MYO3A: variants seen among roughly 807,000 people sequenced by gnomAD.
MYO3A encodes myosin IIIA, also known as myosin-IIIa.
In MYO3A, 180 loss-of-function variants were observed where a neutral mutation model predicts 192.7. The observed-to-expected ratio is 0.93, with a 90% CI of 0.83 to 1.06. MYO3A has a LOEUF of 1.06. Among genes scored for constraint, MYO3A ranks in the 50% least tolerant of loss-of-function variants. The pLI is 0.00. For synonymous variants in MYO3A, 628 were observed against 645.3 expected (o/e 0.97, Z 0.41); for missense variants, 1,896 against 1,905.0 (o/e 1.00, Z 0.09).
chr10:25,956,869 T>G (rs1217617943), intron 4 of MYO3A, among the ~76,000 whole-genome samples: 1 of 152,128 alleles, frequency 6.6e-6, no homozygotes, highest in Non-Finnish European at 1.5e-5. Flanking sequence ...ATTAGTTATT[T>G]TTCCTGATCC....
intron 6 of MYO3A, among the ~76,000 whole-genome samples, chr10:26,010,450 GTTTTTTTTTTTT>G (rs778349166): frequency 5.4e-5 from 6 of 111,234 alleles, no homozygotes; most frequent in African/African-American, 2.1e-4. Context: ...CTAAGTAGTT[GTTTTTTTTTTTT>G]TTTTTTTTTG....
intron 15 of MYO3A, among the ~76,000 whole-genome samples, chr10:26,089,218 G>T (rs1425622937): frequency 6.6e-6 from 1 of 152,082 alleles, no homozygotes; most frequent in Non-Finnish European, 1.5e-5. Context: ...TTCAAGCTTG[G>T]TGTCATTCAA....
At position 25,949,265 on chromosome 10, in the gene MYO3A, T is replaced by C. The variant is rs565633351; in HGVS notation, c.-17-2829T>C. Among the ~76,000 whole-genome samples the C allele has an allele frequency of 2.0e-3, 312 of 152,270 alleles. 2 individuals are homozygous for C. Among genetic ancestry groups the C allele is most frequent in the African/African-American group, 7.3e-3 (302 of 41,594 alleles). ...CAGTCAATTTTTCATTGAATTCTTA[T>C]GTCTGTGTATTGAAAAACTAACAGT... On this transcript the variant is annotated intron_variant, in intron 2 of 34. Coordinates refer to ENST00000642920, the MANE Select transcript of MYO3A (RefSeq NM_017433.5).
intron 4 of MYO3A, among the ~76,000 whole-genome samples, chr10:25,992,285 G>A (rs1271641952): frequency 6.6e-6 from 1 of 152,144 alleles, no homozygotes; most frequent in Non-Finnish European, 1.5e-5. Flanking sequence ...AATTGTGAAT[G>A]GGAGTTCACT....
intron 17 of MYO3A, among the ~76,000 whole-genome samples, chr10:26,114,875 G>A (rs1838407773): frequency 6.6e-6 from 1 of 152,156 alleles, no homozygotes; most frequent in South Asian, 2.1e-4. Flanking sequence ...TTCTATGAGA[G>A]CAGAGAATTT....
intron 10 of MYO3A, among the ~76,000 whole-genome samples, chr10:26,045,011 G>A (rs1402436): frequency 0.47 from 72,048 of 152,044 alleles, 17,903 homozygotes; most frequent in Middle Eastern, 0.59. Context: ...CAGCAGAGGA[G>A]CAAAATCCCT....
intron 34 of MYO3A, among the ~76,000 whole-genome samples, chr10:26,208,286 A>G (rs907307398): frequency 2.0e-5 from 3 of 152,178 alleles, no homozygotes; most frequent in African/African-American, 7.2e-5. Context: ...AATGGAGGAT[A>G]AAAAGGGGAA....
At chr10:26,067,886 G>A (rs1227758432) in intron 11 of MYO3A, among the ~76,000 whole-genome samples, 2 of 151,976 alleles carry the variant, frequency 1.3e-5, no homozygotes, top group South Asian at 2.1e-4. Context: ...ACTCAGAAAT[G>A]TACCAATCAA....
At chr10:26,203,177 C>A in intron 34 of MYO3A, 70 bp downstream of exon 34, 1 of 1,491,274 alleles carries the variant, frequency 6.7e-7, no homozygotes, top group Non-Finnish European at 9.3e-7. Flanking sequence ...TAAGATATTT[C>A]ACTTTATATA....
intron 6 of MYO3A, among the ~76,000 whole-genome samples, chr10:26,014,927 T>C (rs1473108128): frequency 6.6e-6 from 1 of 152,182 alleles, no homozygotes; most frequent in African/African-American, 2.4e-5. Flanking sequence ...TTGATGTTTC[T>C]GCTGTCTTTC....
chr10:26,075,228 T>C (rs1835454074), intron 14 of MYO3A, among the ~76,000 whole-genome samples: 1 of 151,956 alleles, frequency 6.6e-6, no homozygotes, highest in Non-Finnish European at 1.5e-5. Flanking sequence ...TGAGGTTTTT[T>C]ATTATTTCAT....
intron 34 of MYO3A, chr10:26,204,090 A>G: frequency 6.6e-6 from 1 of 152,172 alleles, no homozygotes; most frequent in East Asian, 1.9e-4. Context: ...TTCAGAATCC[A>G]TCTAAACTAT....
At chr10:26,067,426 A>G (rs1229359605) in intron 11 of MYO3A, among the ~76,000 whole-genome samples, 3 of 152,032 alleles carry the variant, frequency 2.0e-5, no homozygotes, top group Non-Finnish European at 2.9e-5. Flanking sequence ...AGTCTCAAAG[A>G]TATGATTTAT....
intron 4 of MYO3A, among the ~76,000 whole-genome samples, chr10:25,963,320 T>C (rs1838057009): frequency 6.6e-6 from 1 of 152,216 alleles, no homozygotes; most frequent in African/African-American, 2.4e-5. Context: ...ACTACTTTCA[T>C]GTGTCATGCA....
chr10:25,970,666 TAAAC>T (rs1305829357), intron 4 of MYO3A, among the ~76,000 whole-genome samples: 1 of 151,828 alleles, frequency 6.6e-6, no homozygotes, highest in Non-Finnish European at 1.5e-5. Flanking sequence ...ATAAAGTAAA[TAAAC>T]TTGATCTCTT....
chr10:25,977,614 A>AT (rs1206746008), intron 4 of MYO3A, among the ~76,000 whole-genome samples: 1 of 152,112 alleles, frequency 6.6e-6, no homozygotes, highest in Non-Finnish European at 1.5e-5. Context: ...AGTGGGGTGT[A>AT]TTTTTTCTCA....
At chr10:26,144,951 G>A (rs1439828075) in intron 21 of MYO3A, among the ~76,000 whole-genome samples, 1 of 152,136 alleles carries the variant, frequency 6.6e-6, no homozygotes, top group Non-Finnish European at 1.5e-5. Flanking sequence ...CGACACAGGT[G>A]GATCACCTGA....
chr10:26,056,488 G>A (rs1040587444), intron 10 of MYO3A, among the ~76,000 whole-genome samples: 5 of 152,120 alleles, frequency 3.3e-5, no homozygotes, highest in Non-Finnish European at 7.4e-5. Flanking sequence ...AGAATGCCAG[G>A]GAGGATAAAT....
At chr10:26,105,959 A>G (rs1490233875) in intron 17 of MYO3A, among the ~76,000 whole-genome samples, 2 of 152,008 alleles carry the variant, frequency 1.3e-5, no homozygotes, top group Non-Finnish European at 2.9e-5. Context: ...TCTATTTTTG[A>G]TGCCTCTATT....
Sources: gnomAD v4.1 joint callset for allele counts (sites outside exome capture counted in the v4.1 genomes callset) on GRCh38, gnomAD v4.1.1 for gene constraint, MANE v1.5 for transcripts, NCBI Gene and HGNC (gene_info 2026-07-23, HGNC 2026-07-21) for gene names.